The following USO1 variants were observed in gnomAD, a reference collection of about 807,000 sequenced individuals.
The protein encoded by USO1 is USO1 vesicle transport factor.
Under a neutral mutation model 124.5 loss-of-function variants are expected in USO1, and 57 were observed. That is an observed-to-expected ratio of 0.46 (90% CI 0.37 to 0.57). USO1 has a LOEUF of 0.57. Among genes scored for constraint, USO1 ranks in the 20% least tolerant of loss-of-function variants. USO1 has a pLI of 0.00. For missense variants in USO1, 900 were observed against 1,040.6 expected, an observed-to-expected ratio of 0.86 and a Z score of 1.86; for synonymous variants, 369 against 362.8, an observed-to-expected ratio of 1.02 and a Z score of -0.19.
chr4:75,795,476 C>A (rs939100090), intron 13 of USO1: 14 of 656,030 alleles, frequency 2.1e-5, no homozygotes, highest in Non-Finnish European at 3.8e-5. Flanking sequence ...TCTACTCACA[C>A]TTTTGCGTGT....
At position 75,805,727 on chromosome 4, in the gene USO1, G is replaced by T. The variant is rs543568670; in HGVS notation, c.2289+424G>T. Among the ~76,000 whole-genome samples the T allele has an allele frequency of 6.1e-5, 9 of 147,024 alleles. No homozygotes were observed. In the South Asian group the frequency reaches 1.3e-3, roughly 21 times the overall value. On this transcript the variant is annotated intron_variant, in intron 19 of 23. Coordinates refer to ENST00000514213, the MANE Select transcript of USO1 (RefSeq NM_003715.4). ...TTCCATCTAAAAAAAAAAAAAAAAA[G>T]ATTTTACAGGATGAGCTTTAGAGTC... is the stretch of plus-strand genomic sequence containing the variant.
chr4:75,755,537 C>T (rs1433091875), intron 3 of USO1: 7 of 513,110 alleles, frequency 1.4e-5, no homozygotes, highest in Admixed American at 2.0e-5. Flanking sequence ...CTCGTAGACT[C>T]GTTTTCAGTT....
chr4:75,796,151 A>C (rs1046748336), intron 13 of USO1, among the ~76,000 whole-genome samples: 4 of 152,112 alleles, frequency 2.6e-5, no homozygotes, highest in Non-Finnish European at 5.9e-5. Flanking sequence ...TATTAGGGAA[A>C]GTATTTTATA....
At chr4:75,731,434 T>C (rs933373963) in intron 1 of USO1, among the ~76,000 whole-genome samples, 1 of 151,946 alleles carries the variant, frequency 6.6e-6, no homozygotes, top group Non-Finnish European at 1.5e-5. Flanking sequence ...TGGTGGCAGG[T>C]GCCTGTAATC....
rs746547310 is a variant in USO1, at chr4:75,770,549, G to T, written c.396+10G>T. 1 of 1,551,318 alleles carries T rather than the reference G, an allele frequency of 6.4e-7. No homozygotes were observed. The highest frequency in any genetic ancestry group is 8.7e-7 in the Non-Finnish European group (1 of 1,149,196). ...GTTATCTTTATTGGAGGTAAATAGGGAACCTTGATGTTTTTGTCATCTTAA... is the reference window on the plus strand; with the variant it reads ...GTTATCTTTATTGGAGGTAAATAGGTAACCTTGATGTTTTTGTCATCTTAA... On this transcript the variant is annotated intron_variant, in intron 5 of 23. Transcript: ENST00000514213.
intron 8 of USO1, among the ~76,000 whole-genome samples, chr4:75,775,302 G>A (rs933819420): frequency 2.6e-5 from 4 of 152,184 alleles, no homozygotes; most frequent in Admixed American, 1.3e-4. Flanking sequence ...ACTTTGGGAG[G>A]CTGAAGTGGG....
intron 1 of USO1, among the ~76,000 whole-genome samples, chr4:75,747,504 G>A (rs1165918301): frequency 6.6e-6 from 1 of 151,624 alleles, no homozygotes; most frequent in East Asian, 1.9e-4. Context: ...TGAGTTCCTA[G>A]CCTCAAGCAT....
intron 4 of USO1, among the ~76,000 whole-genome samples, chr4:75,767,694 G>A (rs1721806061): frequency 6.6e-6 from 1 of 152,206 alleles, no homozygotes; most frequent in East Asian, 1.9e-4. Flanking sequence ...GAGTTAATGG[G>A]TGTATTTTTG....
rs1373737923 is a variant in USO1, at chr4:75,805,273, G to A, written c.2259G>A (p.Leu753=). Residue 753 remains leucine, a synonymous_variant, in exon 19 of 24, where the codon CTG becomes CTA. Coordinates refer to ENST00000514213, the MANE Select transcript of USO1 (RefSeq NM_003715.4). ...ATCAGGAACTTTTACAAAGCCAGCT[G>A]ACTGAAAAGGACTCTATGATTGAAA... ...KRNQELLQSQ[L]TEKDSMIENM... The A allele has an allele frequency of 6.8e-6, 11 of 1,608,896 alleles. No individual in the cohort carries two copies. The highest frequency in any genetic ancestry group is 9.3e-6 in the Non-Finnish European group (11 of 1,178,034).
intron 16 of USO1, 61 bp downstream of exon 16, chr4:75,800,860 T>C: frequency 6.5e-7 from 1 of 1,545,260 alleles, no homozygotes; most frequent in Non-Finnish European, 8.7e-7. Flanking sequence ...ATTGTACATG[T>C]ATATTCTGGA....
chr4:75,735,383 A>G (rs1488035666), intron 1 of USO1, among the ~76,000 whole-genome samples: 1 of 152,332 alleles, frequency 6.6e-6, no homozygotes, highest in East Asian at 1.9e-4. Flanking sequence ...TTATTAGCAA[A>G]GAGATAGTTT....
intron 13 of USO1, among the ~76,000 whole-genome samples, chr4:75,798,395 G>C (rs534538825): frequency 5.3e-4 from 80 of 152,282 alleles, no homozygotes; most frequent in African/African-American, 1.8e-3. Context: ...TCGAGTAGTT[G>C]TAAGTTTTCT....
chr4:75,755,921 A>C (rs1007496707), intron 3 of USO1, among the ~76,000 whole-genome samples: 3 of 152,206 alleles, frequency 2.0e-5, no homozygotes, highest in Non-Finnish European at 2.9e-5. Context: ...CTGTAATCCC[A>C]GCACTTTGGG....
chr4:75,764,947 C>T (rs545555239), intron 4 of USO1, among the ~76,000 whole-genome samples: 2 of 152,234 alleles, frequency 1.3e-5, no homozygotes, highest in African/African-American at 4.8e-5. Context: ...AGCATATACT[C>T]CCCATCCTCT....
chr4:75,809,154 C>G, intron 21 of USO1, 103 bp downstream of exon 21: 10 of 1,334,844 alleles, frequency 7.5e-6, no homozygotes, highest in Non-Finnish European at 9.8e-6. Flanking sequence ...ATAGCACCTT[C>G]TCTTTAGATT....
chr4:75,794,247 A>G (rs1371886014), intron 13 of USO1, among the ~76,000 whole-genome samples: 1 of 152,200 alleles, frequency 6.6e-6, no homozygotes, highest in Non-Finnish European at 1.5e-5. Flanking sequence ...GGGAGGGAGT[A>G]AAGTAGTTCA....
At chr4:75,756,923 C>G (rs1721462876) in intron 3 of USO1, among the ~76,000 whole-genome samples, 2 of 151,706 alleles carry the variant, frequency 1.3e-5, no homozygotes, top group Admixed American at 6.6e-5. Context: ...CTTCGTTCCT[C>G]TAGATATGAA....
chr4:75,771,012 T>C, intron 6 of USO1, 70 bp from the exon 7 acceptor site: 1 of 1,597,790 alleles, frequency 6.3e-7, no homozygotes, highest in Non-Finnish European at 8.5e-7. Context: ...TGTTAGTAAA[T>C]TGTTAATAAT....
At chr4:75,753,681 G>A (rs1279046846) in intron 3 of USO1, among the ~76,000 whole-genome samples, 5 of 151,750 alleles carry the variant, frequency 3.3e-5, no homozygotes, top group South Asian at 2.1e-4. Flanking sequence ...TCATACCACT[G>A]TATTCCAACC....
Sources: gnomAD v4.1 joint callset for allele counts (sites outside exome capture counted in the v4.1 genomes callset) on GRCh38, gnomAD v4.1.1 for gene constraint, MANE v1.5 for transcripts, NCBI Gene and HGNC (gene_info 2026-07-23, HGNC 2026-07-21) for gene names.